The following DPP10 variants were observed in gnomAD, a reference collection of about 807,000 sequenced individuals.
DPP10 encodes the protein inactive dipeptidyl peptidase 10.
A neutral mutation model predicts 120.9 loss-of-function variants in DPP10; 33 were observed. That is an observed-to-expected ratio of 0.27 (90% CI 0.21 to 0.37). The LOEUF (loss-of-function observed/expected upper bound fraction) is 0.37. Among genes scored for constraint, DPP10 ranks in the 10% least tolerant of loss-of-function variants. The pLI, the probability that DPP10 is intolerant of heterozygous loss-of-function variation, is 1.00. For missense variants in DPP10, 816 were observed against 942.8 expected, an observed-to-expected ratio of 0.87 and a Z score of 1.76; for synonymous variants, 337 against 326.1, an observed-to-expected ratio of 1.03 and a Z score of -0.36.
chr2:115,024,183 A>G (rs1703283274), intron 1 of DPP10, among the ~76,000 whole-genome samples: 1 of 152,116 alleles, frequency 6.6e-6, no homozygotes, highest in Non-Finnish European at 1.5e-5. Context: ...ACAAAGAAAA[A>G]CCAACAACAT....
intron 5 of DPP10, among the ~76,000 whole-genome samples, chr2:115,648,605 C>T (rs1003729696): frequency 8.7e-5 from 13 of 149,424 alleles, no homozygotes; most frequent in African/African-American, 3.2e-4. Flanking sequence ...ACATGTACCC[C>T]GGAACTTAAA....
chr2:115,150,725 G>A (rs910571765), intron 1 of DPP10, among the ~76,000 whole-genome samples: 1 of 152,164 alleles, frequency 6.6e-6, no homozygotes, highest in Non-Finnish European at 1.5e-5. Context: ...TTAGTGACAT[G>A]AGGTATTGGA....
chr2:115,708,478 A>T (rs4426535), intron 7 of DPP10, among the ~76,000 whole-genome samples: 143,939 of 152,038 alleles, frequency 0.95, 68,625 homozygotes, highest in Middle Eastern at 1. Context: ...TTTCAAAATT[A>T]TCCTAATCAC....
At position 115,289,500 on chromosome 2, in the gene DPP10, A is replaced by ATAGG. The variant is rs1553539645; in HGVS notation, c.61-19739_61-19738insTAGG. 1.5e-3 allele frequency among the ~76,000 whole-genome samples: 165 copies of ATAGG among 113,648 alleles called. 1 individual carries two copies. Among genetic ancestry groups the ATAGG allele is most frequent in the African/African-American group, 5.3e-3 (136 of 25,810 alleles). 74.6% of individuals were successfully genotyped at this position (113,648 alleles called of 152,430 possible). A position where few individuals can be genotyped will look rare whatever the true frequency, so the allele number is the denominator to read the frequency against. On this transcript the variant is annotated intron_variant, in intron 1 of 25. Transcript: ENST00000410059. ...CATAAGAAACCAAAAAAAAAAAAAAAAAAAGGAAGAAAAGAAAAGAAAAAA... is the reference window on the plus strand; with the variant it reads ...CATAAGAAACCAAAAAAAAAAAAAAATAGGAAAAGGAAGAAAAGAAAAGAAAAAA...
At chr2:114,581,039 A>G (rs1690466617) in intron 1 of DPP10, among the ~76,000 whole-genome samples, 2 of 152,052 alleles carry the variant, frequency 1.3e-5, no homozygotes, top group Admixed American at 1.3e-4. Flanking sequence ...TTTAGAATGC[A>G]TCCTCTGATT....
intron 5 of DPP10, among the ~76,000 whole-genome samples, chr2:115,680,910 TATGA>T (rs1269028998): frequency 6.6e-6 from 1 of 151,902 alleles, no homozygotes; most frequent in African/African-American, 2.4e-5. Flanking sequence ...ATATATAAGT[TATGA>T]ATGAAGAAAC....
chr2:115,141,480 T>A (rs930396312), intron 1 of DPP10, among the ~76,000 whole-genome samples: 5 of 152,224 alleles, frequency 3.3e-5, no homozygotes, highest in Non-Finnish European at 7.3e-5. Context: ...TTAACATAGC[T>A]GGGCAGGGAT....
rs186553592 is a variant in DPP10 at position 114,788,449 on chromosome 2, C to T, written c.60+345611C>T. Among the ~76,000 whole-genome samples the T allele has an allele frequency of 3.1e-4, 47 of 150,202 alleles. 1 individual carries two copies. Among genetic ancestry groups the T allele is most frequent in the African/African-American group, 1.1e-3 (46 of 40,630 alleles). On this transcript the variant is annotated intron_variant, in intron 1 of 25. Transcript: ENST00000410059. ...TTTTTTTCCTTGAGACGGAGTCTCACTCTGTCACCAGGCTGGAGTGCAGTG... is the reference window on the plus strand; with the variant it reads ...TTTTTTTCCTTGAGACGGAGTCTCATTCTGTCACCAGGCTGGAGTGCAGTG...
intron 1 of DPP10, among the ~76,000 whole-genome samples, chr2:114,845,394 G>T (rs1039851432): frequency 6.6e-6 from 1 of 152,038 alleles, no homozygotes; most frequent in African/African-American, 2.4e-5. Context: ...ATCTAAAATT[G>T]CTCTAAAAAA....
At chr2:114,901,913 C>G (rs1439583953) in intron 1 of DPP10, among the ~76,000 whole-genome samples, 1 of 152,212 alleles carries the variant, frequency 6.6e-6, no homozygotes, top group Non-Finnish European at 1.5e-5. Flanking sequence ...AGTCAAAGCA[C>G]AAGCAGACCA....
At chr2:115,121,274 T>G (rs548867866) in intron 1 of DPP10, among the ~76,000 whole-genome samples, 27 of 152,340 alleles carry the variant, frequency 1.8e-4, no homozygotes, top group African/African-American at 6.0e-4. Flanking sequence ...TATAAAGGTG[T>G]GTGAATCTTT....
In DPP10 at chr2:114,969,787, G is replaced by A. The variant is rs574487896; in HGVS notation, c.61-339452G>A. On this transcript the variant is annotated intron_variant, in intron 1 of 25. Transcript: ENST00000410059. ...GACTTTTCCTGTCATTGGGCTGAAT[G>A]AACAAGAGTCCAGGGATCTAAAGGA... 2.6e-5 allele frequency among the ~76,000 whole-genome samples: 4 copies of A among 152,222 alleles called. No individual in the cohort carries two copies. In the East Asian group the frequency reaches 7.7e-4, roughly 29 times the overall value.
chr2:114,861,800 G>A (rs1361286001), intron 1 of DPP10, among the ~76,000 whole-genome samples: 3 of 151,876 alleles, frequency 2.0e-5, no homozygotes, highest in Non-Finnish European at 4.4e-5. Context: ...CTACAAAATA[G>A]CAAAGTAACA....
intron 1 of DPP10, among the ~76,000 whole-genome samples, chr2:115,150,411 T>C (rs1394285261): frequency 6.6e-6 from 1 of 152,242 alleles, no homozygotes; most frequent in African/African-American, 2.4e-5. Context: ...CCTTGGCGAT[T>C]AGAGAGTTAG....
At chr2:114,553,038 T>C (rs566034147) in intron 1 of DPP10, among the ~76,000 whole-genome samples, 1 of 152,356 alleles carries the variant, frequency 6.6e-6, no homozygotes, top group East Asian at 1.9e-4. Context: ...TCTCAGTCAA[T>C]GCTCCCAGAT....
chr2:115,711,969 A>G (rs2092334240), intron 7 of DPP10, among the ~76,000 whole-genome samples: 1 of 124,980 alleles, frequency 8.0e-6, no homozygotes, highest in East Asian at 2.5e-4. Flanking sequence ...TTAGCACAGC[A>G]GTTCTCAACC....
At chr2:114,501,924 T>C (rs1683218526) in intron 1 of DPP10, among the ~76,000 whole-genome samples, 1 of 141,660 alleles carries the variant, frequency 7.1e-6, no homozygotes, top group African/African-American at 2.6e-5. Flanking sequence ...AAAACGAAGA[T>C]TGATATTCCT....
chr2:115,363,376 T>C (rs1007781768), intron 3 of DPP10, among the ~76,000 whole-genome samples: 7 of 152,212 alleles, frequency 4.6e-5, no homozygotes, highest in African/African-American at 1.7e-4. Flanking sequence ...ACTAAGTCCT[T>C]GTAGACCATA....
chr2:114,584,686 G>C (rs976088716), intron 1 of DPP10, among the ~76,000 whole-genome samples: 1 of 151,652 alleles, frequency 6.6e-6, no homozygotes, highest in Non-Finnish European at 1.5e-5. Flanking sequence ...AATCAATTAT[G>C]AATATTTACA....
Sources: allele counts gnomAD v4.1 joint callset (sites outside exome capture counted in the v4.1 genomes callset), GRCh38; gene constraint gnomAD v4.1.1; transcripts MANE v1.5; gene names NCBI Gene and HGNC (gene_info 2026-07-23, HGNC 2026-07-21).